TYMS: variants seen among roughly 807,000 people sequenced by gnomAD.
The protein encoded by TYMS is thymidylate synthase.
In TYMS, 21 loss-of-function variants were observed where a neutral mutation model predicts 39.3. The observed-to-expected ratio is 0.54, with a 90% CI of 0.38 to 0.77. The LOEUF is 0.77. Ranked by LOEUF, TYMS falls within the 30% of genes least tolerant of loss-of-function variation. The probability of loss-of-function intolerance (pLI) is 0.00; values close to 1 mark genes in which losing one functional copy is unlikely to be tolerated. For missense variants in TYMS, 273 were observed against 406.7 expected, an observed-to-expected ratio of 0.67 and a Z score of 2.83; for synonymous variants, 171 against 162.2, an observed-to-expected ratio of 1.05 and a Z score of -0.41.
At chr18:669,702 C>G (rs568380444) in intron 4 of TYMS, among the ~76,000 whole-genome samples, 6 of 152,220 alleles carry the variant, frequency 3.9e-5, no homozygotes, top group African/African-American at 1.4e-4. Flanking sequence ...TGCCTAGAAA[C>G]TACATGTAAG....
chr18:671,294 G>A lies in TYMS; in HGVS notation c.733-86G>A, dbSNP rs778936753. 120 of 889,218 alleles carry A rather than the reference G, an allele frequency of 1.3e-4. 1 individual carries two copies. The highest frequency in any genetic ancestry group is 1.8e-4 in the Non-Finnish European group (98 of 532,218). 55.1% of individuals were successfully genotyped at this position (889,218 alleles called of 1,614,324 possible). On this transcript the variant is annotated intron_variant, in intron 5 of 6. Coordinates refer to ENST00000323274, the MANE Select transcript of TYMS (RefSeq NM_001071.4). ...ATTATTTTTTTAAAAAAAGCCTTGC[G>A]GTGTCTGCATATTCTAATGTTTTTA...
chr18:667,732 T>A (rs2074886542), intron 3 of TYMS: 1 of 152,210 alleles, frequency 6.6e-6, no homozygotes, highest in Non-Finnish European at 1.5e-5. Context: ...AGCTGCTGCG[T>A]GGGCCAAGTT....
chr18:670,988 A>C, intron 5 of TYMS, 121 bp downstream of exon 5: 1 of 1,253,366 alleles, frequency 8.0e-7, no homozygotes, highest in Non-Finnish European at 1.1e-6. Context: ...GATATGTGTA[A>C]GTAAGAAATG....
In TYMS at chr18:672,985, A is replaced by G; in HGVS notation, c.930A>G (p.Glu310=). ...GYNPHPTIKM[E]MAV ...ATCCGCATCCAACTATTAAAATGGAAATGGCTGTTTAGGGTGCTTTCAAAG... is the reference window on the plus strand; with the variant it reads ...ATCCGCATCCAACTATTAAAATGGAGATGGCTGTTTAGGGTGCTTTCAAAG... Residue 310 remains glutamate, a synonymous_variant, in exon 7 of 7, where the codon GAA becomes GAG. Transcript: ENST00000323274. The G allele has an allele frequency of 3.2e-6, 5 of 1,568,452 alleles. No homozygotes were observed. The highest frequency in any genetic ancestry group is 4.4e-6 in the Non-Finnish European group (5 of 1,145,242).
Position 658,465 on chromosome 18 carries a change from G to GT in TYMS, c.205+519dup, listed in dbSNP as rs2144254196. On this transcript the variant is annotated intron_variant, in intron 1 of 6. Transcript: ENST00000323274. This position sits in a 1 kb window ranked among gnomAD's most constrained non-coding sequence, Gnocchi z 4.5. ...GCTGGCGCGGGAACTTGGTTTCCTG[G>GT]TGGCCTCCCATCCAATCCCCACGAA... 1.7e-6 allele frequency: 1 copy of GT among 579,894 alleles called. No individual in the cohort carries two copies. Among genetic ancestry groups the GT allele is most frequent in the East Asian group, 7.9e-5 (1 of 12,642 alleles). 35.9% of individuals were successfully genotyped at this position (579,894 alleles called of 1,614,324 possible).
At chr18:662,573 T>G (rs569766586) in intron 3 of TYMS, among the ~76,000 whole-genome samples, 36 of 150,980 alleles carry the variant, frequency 2.4e-4, no homozygotes, top group African/African-American at 8.8e-4. Flanking sequence ...TGCAGGTTAG[T>G]TACATATGTA....
Position 673,057 on chromosome 18 carries a change from A to G in TYMS, c.*60A>G. 7.0e-7 allele frequency: 1 copy of G among 1,436,178 alleles called. No homozygotes were observed. The highest frequency in any genetic ancestry group is 9.3e-7 in the Non-Finnish European group (1 of 1,077,490). 89.0% of individuals were successfully genotyped at this position (1,436,178 alleles called of 1,614,324 possible). ...TCTTTAGGGGTTGGGCTGGATGCCG[A>G]GGTAAAAGTTCTTTTTGCTCTAAAA... On this transcript the variant is annotated 3_prime_UTR_variant, in exon 7 of 7. Coordinates refer to ENST00000323274, the MANE Select transcript of TYMS (RefSeq NM_001071.4).
rs2074722180 is a variant in TYMS at position 658,676 on chromosome 18, TG to T, written c.205+731del. ...TGGGCACAGGACGTTAGGCAGCCGT[TG>T]GCCCTCCCTAAGGCCACACCGTCCT... On this transcript the variant is annotated intron_variant, in intron 1 of 6. Transcript: ENST00000323274. The surrounding 1 kb of genome is among the most constrained non-coding windows in gnomAD (Gnocchi z 4.5). The T allele has an allele frequency of 3.7e-6, 1 of 271,972 alleles. No individual in the cohort carries two copies. The highest frequency in any genetic ancestry group is 5.3e-5 in the Admixed American group (1 of 18,826). The allele number at this position is 271,972 out of a possible 1,614,324, so 16.8% of individuals were successfully genotyped here.
chr18:667,029 T>C lies in TYMS; in HGVS notation c.455-2043T>C, dbSNP rs371001141. 3.5e-4 allele frequency among the ~76,000 whole-genome samples: 4 copies of C among 11,296 alleles called. 2 individuals are homozygous for C. Among genetic ancestry groups the C allele is most frequent in the African/African-American group, 2.2e-3 (4 of 1,848 alleles). The allele number at this position is 11,296 out of a possible 152,430, so 7.4% of individuals were successfully genotyped here. On this transcript the variant is annotated intron_variant, in intron 3 of 6. Transcript: ENST00000323274. ...GTGATGGTGATGGAGATGGAGATGG[T>C]GATGGAGATGGTGATGGTGATGGAG...
In TYMS at chr18:658,590, C is replaced by A. The variant is rs192603316; in HGVS notation, c.205+643C>A. On this transcript the variant is annotated intron_variant, in intron 1 of 6. Coordinates refer to ENST00000323274, the MANE Select transcript of TYMS (RefSeq NM_001071.4). The surrounding 1 kb of genome is among the most constrained non-coding windows in gnomAD (Gnocchi z 4.5). ...TCCTTTCCGACAGGAGCACCCCAGGCAAAAAATGTCTCGCGGGTCATTGGC... is the reference window on the plus strand; with the variant it reads ...TCCTTTCCGACAGGAGCACCCCAGGAAAAAAATGTCTCGCGGGTCATTGGC... The A allele has an allele frequency of 7.2e-5, 12 of 166,292 alleles. No homozygotes were observed. Among genetic ancestry groups the A allele is most frequent in the South Asian group, 2.4e-4 (3 of 12,654 alleles). The allele number at this position is 166,292 out of a possible 1,614,324, so 10.3% of individuals were successfully genotyped here. A position where few individuals can be genotyped will look rare whatever the true frequency, so the allele number is the denominator to read the frequency against.
intron 6 of TYMS, 108 bp from the exon 7 acceptor site, chr18:672,752 A>C (rs1416316721): frequency 5.4e-6 from 7 of 1,299,580 alleles, no homozygotes; most frequent in Non-Finnish European, 6.3e-6. Flanking sequence ...TACTCCTGTA[A>C]AATAGAACTT....
Position 658,048 on chromosome 18 carries a change from C to T in TYMS, c.205+101C>T. 1 of 1,566,844 alleles carries T rather than the reference C, an allele frequency of 6.4e-7. No individual in the cohort carries two copies. The highest frequency in any genetic ancestry group is 8.6e-7 in the Non-Finnish European group (1 of 1,158,530). On this transcript the variant is annotated intron_variant, in intron 1 of 6. Transcript: ENST00000323274. This position sits in a 1 kb window ranked among gnomAD's most constrained non-coding sequence, Gnocchi z 4.5. ...CGGGCGCTGCGGACCCCGTTTAGTC[C>T]TAACCTCAATCCTGCGAGGGAGGGG...
chr18:661,137 A>G (rs1351676076), intron 2 of TYMS, among the ~76,000 whole-genome samples: 3 of 152,218 alleles, frequency 2.0e-5, no homozygotes, highest in African/African-American at 7.2e-5. Context: ...GATTTGTTGG[A>G]AATTTCTCAA....
intron 2 of TYMS, among the ~76,000 whole-genome samples, chr18:659,974 T>C (rs1292467707): frequency 6.6e-6 from 1 of 152,222 alleles, no homozygotes; most frequent in Non-Finnish European, 1.5e-5. Context: ...CTCAGGAGGC[T>C]GAGGCATGAG....
chr18:670,505 T>C (rs1019114425), intron 4 of TYMS, 187 bp from the exon 5 acceptor site: 6 of 604,924 alleles, frequency 9.9e-6, no homozygotes, highest in African/African-American at 3.7e-5. Context: ...CTTGCACCGA[T>C]GGATAGTCTC....
rs36005458 is a variant in TYMS, at chr18:670,551, G to A, written c.557-141G>A. On this transcript the variant is annotated intron_variant, in intron 4 of 6. Coordinates refer to ENST00000323274, the MANE Select transcript of TYMS (RefSeq NM_001071.4). ...GTGCCATCGCTGCAGAGGCTGTTAT[G>A]GACATCACTGCAGCCCAGTGGCTCT... 545 of 826,806 alleles carry A rather than the reference G, an allele frequency of 6.6e-4. 9 individuals carry two copies. The East Asian group carries it at 0.012, about 18-fold the overall frequency. 51.2% of individuals were successfully genotyped at this position (826,806 alleles called of 1,614,324 possible).
At chr18:664,265 T>A (rs1287109790) in intron 3 of TYMS, among the ~76,000 whole-genome samples, 1 of 151,596 alleles carries the variant, frequency 6.6e-6, no homozygotes, top group African/African-American at 2.4e-5. Context: ...AGGTATTTTA[T>A]TCTCTTTGAA....
intron 6 of TYMS, chr18:672,221 A>T (rs1032593077): frequency 2.0e-5 from 3 of 152,228 alleles, no homozygotes; most frequent in African/African-American, 4.8e-5. Flanking sequence ...CATGAGCCTT[A>T]AGGAAAAAAA....
At chr18:671,000 AC>A in intron 5 of TYMS, 133 bp downstream of exon 5, 1 of 1,080,692 alleles carries the variant, frequency 9.3e-7, no homozygotes, top group Non-Finnish European at 1.3e-6. Flanking sequence ...TAAGAAATGA[AC>A]CAGCTTTTAC....
Sources: gnomAD v4.1 joint callset for allele counts (sites outside exome capture counted in the v4.1 genomes callset) on GRCh38, gnomAD v4.1.1 for gene constraint, Gnocchi (gnomAD v3.1) non-coding constraint, MANE v1.5 for transcripts, NCBI Gene and HGNC (gene_info 2026-07-23, HGNC 2026-07-21) for gene names.